The following MAST4 variants were observed in gnomAD, a reference collection of about 807,000 sequenced individuals.
MAST4 encodes microtubule-associated serine/threonine-protein kinase 4.
Under a neutral mutation model 162.7 loss-of-function variants are expected in MAST4, and 89 were observed. The ratio of observed to expected loss-of-function variants is 0.55; its 90% CI spans 0.46 to 0.65. MAST4 has a LOEUF of 0.65. MAST4 is among the 30% of genes least tolerant of loss of function. The probability of loss-of-function intolerance (pLI) is 0.00; values close to 1 mark genes in which losing one functional copy is unlikely to be tolerated. For synonymous variants in MAST4, 1,479 were observed against 1,361.1 expected (o/e 1.09, Z -1.91); for missense variants, 3,153 against 3,374.0 (o/e 0.93, Z 1.62).
chr5:66,746,562 T>C (rs1281190702), intron 1 of MAST4, among the ~76,000 whole-genome samples: 1 of 152,220 alleles, frequency 6.6e-6, no homozygotes, highest in East Asian at 1.9e-4. Flanking sequence ...GCATATAATG[T>C]CAGGTTTTGT....
intron 10 of MAST4, 110 bp downstream of exon 10, chr5:67,104,685 G>GAAA: frequency 1.2e-5 from 6 of 508,640 alleles, no homozygotes; most frequent in Middle Eastern, 5.7e-4. Context: ...TTCCAGAGAA[G>GAAA]CAAAAAAGAA....
intron 1 of MAST4, among the ~76,000 whole-genome samples, chr5:66,726,546 A>G (rs937167550): frequency 6.6e-6 from 1 of 152,012 alleles, no homozygotes; most frequent in Non-Finnish European, 1.5e-5. Flanking sequence ...TGCTAAGGGA[A>G]CTTTGATTTG....
At chr5:67,054,298 A>G (rs1758535028) in intron 4 of MAST4, 106 bp from the exon 5 acceptor site, 1 of 786,862 alleles carries the variant, frequency 1.3e-6, no homozygotes, top group Non-Finnish European at 2.0e-6. Flanking sequence ...TAACAATAAC[A>G]TGAGCAGATA....
intron 4 of MAST4, among the ~76,000 whole-genome samples, chr5:66,972,415 C>CA (rs1221993028): frequency 6.6e-6 from 1 of 152,228 alleles, no homozygotes; most frequent in African/African-American, 2.4e-5. Context: ...TTTACTTTCT[C>CA]ACAGTGGTAT....
intron 1 of MAST4, among the ~76,000 whole-genome samples, chr5:66,735,939 G>T (rs1481899907): frequency 6.6e-6 from 1 of 152,166 alleles, no homozygotes; most frequent in African/African-American, 2.4e-5. Flanking sequence ...ATTGTTTCAT[G>T]CTTCTGATGT....
chr5:66,698,692 T>G (rs1333224515), intron 1 of MAST4, among the ~76,000 whole-genome samples: 1 of 152,174 alleles, frequency 6.6e-6, no homozygotes, highest in Non-Finnish European at 1.5e-5. Flanking sequence ...CATCTCCACT[T>G]GGATATCTGC....
At chr5:66,611,037 A>G (rs1391045846) in intron 1 of MAST4, among the ~76,000 whole-genome samples, 2 of 152,238 alleles carry the variant, frequency 1.3e-5, no homozygotes, top group East Asian at 1.9e-4. Flanking sequence ...AATGCCTTTA[A>G]AAATAAACCA....
intron 4 of MAST4, 118 bp downstream of exon 4, chr5:66,900,100 C>A: frequency 1.5e-6 from 1 of 689,650 alleles, no homozygotes. Flanking sequence ...CTGAAGAAAA[C>A]AAAAAACTGA....
intron 6 of MAST4, among the ~76,000 whole-genome samples, chr5:67,091,145 T>G (rs1054729621): frequency 3.9e-5 from 6 of 152,186 alleles, no homozygotes; most frequent in Admixed American, 2.6e-4. Flanking sequence ...AAAAAAATAC[T>G]TGTTCTTACA....
rs1003544760 is a variant in MAST4 at position 66,884,413 on chromosome 5, G to C, written c.643-15538G>C. On this transcript the variant is annotated intron_variant, in intron 3 of 28. Coordinates refer to ENST00000403625, the MANE Select transcript of MAST4 (RefSeq NM_001164664.2). The stretch of plus-strand genomic sequence containing the variant: ...ACAACACTCTTTGGGGAAATGTTGA[G>C]TTAAATGGACTCTGTAGCTCTATAT... Among the ~76,000 whole-genome samples, 30 of 152,276 alleles carry C rather than the reference G, an allele frequency of 2.0e-4. No homozygotes were observed. In the East Asian group the frequency reaches 5.8e-3, roughly 29 times the overall value.
At chr5:66,758,574 G>A (rs1231153844) in intron 1 of MAST4, among the ~76,000 whole-genome samples, 1 of 151,998 alleles carries the variant, frequency 6.6e-6, no homozygotes, top group Non-Finnish European at 1.5e-5. Flanking sequence ...GAGCCACTGC[G>A]CTCCGCCTGT....
chr5:67,002,573 C>G (rs1448760563), intron 4 of MAST4, among the ~76,000 whole-genome samples: 3 of 152,188 alleles, frequency 2.0e-5, no homozygotes, highest in Non-Finnish European at 2.9e-5. Context: ...GGGGTGTCCT[C>G]TGCTCCAGTC....
chr5:66,716,801 C>T (rs1426284252), intron 1 of MAST4, among the ~76,000 whole-genome samples: 1 of 152,184 alleles, frequency 6.6e-6, no homozygotes, highest in Non-Finnish European at 1.5e-5. Flanking sequence ...TTTTGGCTAT[C>T]ACCTTGACTA....
intron 3 of MAST4, among the ~76,000 whole-genome samples, chr5:66,831,421 C>T (rs941295277): frequency 2.6e-5 from 4 of 152,168 alleles, no homozygotes; most frequent in Non-Finnish European, 5.9e-5. Context: ...GGAGTATACA[C>T]TATTCTAATT....
chr5:66,964,155 C>T (rs1176487051), intron 4 of MAST4: 2 of 437,418 alleles, frequency 4.6e-6, no homozygotes, highest in Admixed American at 2.8e-5. Context: ...TTGCCTCAAA[C>T]TATTTTATAC....
chr5:66,636,501 G>A lies in MAST4; in HGVS notation c.363+39483G>A, dbSNP rs76771430. ...GGAGGGAGAGGGTTGATACTCGTTT[G>A]TGGTGGTGGTTAGCACAATGAGATA... is the stretch of plus-strand genomic sequence containing the variant. On this transcript the variant is annotated intron_variant, in intron 1 of 28. Transcript: ENST00000403625. 3.1e-3 allele frequency among the ~76,000 whole-genome samples: 473 copies of A among 152,270 alleles called. 5 individuals carry two copies. The East Asian group carries it at 0.041, about 13-fold the overall frequency.
intron 4 of MAST4, among the ~76,000 whole-genome samples, chr5:66,997,394 G>C (rs1034789740): frequency 6.7e-6 from 1 of 149,716 alleles, no homozygotes; most frequent in African/African-American, 2.5e-5. Flanking sequence ...AGTGAAACAG[G>C]TAAATTGATA....
chr5:66,685,770 C>G (rs908578636), intron 1 of MAST4, among the ~76,000 whole-genome samples: 1 of 152,054 alleles, frequency 6.6e-6, no homozygotes, highest in Non-Finnish European at 1.5e-5. Flanking sequence ...AATGCTTGAT[C>G]CTGTCACTTA....
chr5:67,164,482 G>T lies in MAST4; in HGVS notation c.5303G>T (p.Gly1768Val), dbSNP rs764878940. 6 of 1,613,928 alleles carry T rather than the reference G, an allele frequency of 3.7e-6. No homozygotes were observed. The Admixed American group carries it at 8.3e-5, about 22-fold the overall frequency. ...GCCTTAACAGGCCGGGTGGACAGTGGAACGGAGAAGCCTGGCTTGGTTGCT... is the reference window on the plus strand; with the variant it reads ...GCCTTAACAGGCCGGGTGGACAGTGTAACGGAGAAGCCTGGCTTGGTTGCT... ...LKALTGRVDS[G>V]TEKPGLVAPE... Residue 1768 changes from glycine to valine, a missense_variant, in exon 29 of 29, where the codon GGA becomes GTA. This residue lies in a region of MAST4 where 1,644 missense variants were observed against 1,495.0 expected (regional missense o/e 1.10). Coordinates refer to ENST00000403625, the MANE Select transcript of MAST4 (RefSeq NM_001164664.2). The surrounding 1 kb of genome is among the most constrained non-coding windows in gnomAD (Gnocchi z 5.3).
Sources: gnomAD v4.1 joint callset for allele counts (sites outside exome capture counted in the v4.1 genomes callset) on GRCh38, gnomAD v4.1.1 for gene constraint, gnomAD v4.1.1 regional missense constraint, Gnocchi (gnomAD v3.1) non-coding constraint, MANE v1.5 for transcripts, NCBI Gene and HGNC (gene_info 2026-07-23, HGNC 2026-07-21) for gene names.